CDH13: variants seen among roughly 807,000 people sequenced by gnomAD.
The protein encoded by CDH13 is cadherin-13.
Under a neutral mutation model 63.8 loss-of-function variants are expected in CDH13, and 24 were observed. The observed-to-expected ratio is 0.38, with a 90% CI of 0.27 to 0.53. CDH13 has a LOEUF of 0.53. CDH13 is among the 20% of genes least tolerant of loss of function. CDH13 has a pLI of 0.85. For missense variants in CDH13, 1,049 were observed against 903.1 expected, an observed-to-expected ratio of 1.16 and a Z score of -2.07; for synonymous variants, 503 against 355.3, an observed-to-expected ratio of 1.42 and a Z score of -4.67.
At chr16:83,200,684 A>G (rs1481972749) in intron 4 of CDH13, among the ~76,000 whole-genome samples, 1 of 152,174 alleles carries the variant, frequency 6.6e-6, no homozygotes, top group Admixed American at 6.5e-5. Context: ...AAATCTACAT[A>G]TACCACCCAC....
chr16:82,732,876 G>T (rs1464330430), intron 1 of CDH13, among the ~76,000 whole-genome samples: 1 of 152,168 alleles, frequency 6.6e-6, no homozygotes, highest in African/African-American at 2.4e-5. Flanking sequence ...CATTACAGAG[G>T]AAGAGTCTGA....
chr16:82,864,600 C>T (rs139158648), intron 2 of CDH13, among the ~76,000 whole-genome samples: 70 of 152,072 alleles, frequency 4.6e-4, no homozygotes, highest in Middle Eastern at 3.4e-3. Context: ...AAACTGCCCC[C>T]GTAATTCAGT....
intron 11 of CDH13, among the ~76,000 whole-genome samples, chr16:83,766,408 T>G (rs1323651831): frequency 6.6e-6 from 1 of 152,260 alleles, no homozygotes; most frequent in Non-Finnish European, 1.5e-5. Flanking sequence ...CAATTACTTG[T>G]GCATCAACCT....
chr16:82,631,114 AGCTTTCTTCTT>A (rs1001701672), intron 1 of CDH13, among the ~76,000 whole-genome samples: 212 of 152,152 alleles, frequency 1.4e-3, no homozygotes, highest in African/African-American at 4.8e-3. Context: ...CTTTCTCGCT[AGCTTTCTTCTT>A]GCTTTCTTTC....
At chr16:83,572,975 A>G (rs1904781714) in intron 7 of CDH13, among the ~76,000 whole-genome samples, 1 of 152,222 alleles carries the variant, frequency 6.6e-6, no homozygotes, top group South Asian at 2.1e-4. Flanking sequence ...TACAGCGAGC[A>G]CAGGCTGAGT....
intron 1 of CDH13, among the ~76,000 whole-genome samples, chr16:82,846,419 C>T (rs1213393177): frequency 6.6e-6 from 1 of 152,104 alleles, no homozygotes. Context: ...CTACTGTGAG[C>T]CAGTTTCTGT....
At chr16:83,111,578 CAG>C (rs1471874378) in intron 3 of CDH13, among the ~76,000 whole-genome samples, 1 of 152,126 alleles carries the variant, frequency 6.6e-6, no homozygotes, top group African/African-American at 2.4e-5. Context: ...CTAGGACAAT[CAG>C]AGTCTCCACT....
At chr16:83,195,264 A>C (rs1483049857) in intron 4 of CDH13, among the ~76,000 whole-genome samples, 1 of 152,244 alleles carries the variant, frequency 6.6e-6, no homozygotes, top group Non-Finnish European at 1.5e-5. Context: ...TGATAGAAGA[A>C]AATGCTCATG....
intron 5 of CDH13, among the ~76,000 whole-genome samples, chr16:83,269,360 C>CATTGCATA (rs1383264331): frequency 6.6e-6 from 1 of 152,182 alleles, no homozygotes; most frequent in East Asian, 1.9e-4. Flanking sequence ...TGCATTACTG[C>CATTGCATA]TGTATGCATC....
At chr16:83,700,314 A>C (rs1598508581) in intron 10 of CDH13, among the ~76,000 whole-genome samples, 1 of 152,226 alleles carries the variant, frequency 6.6e-6, no homozygotes, top group East Asian at 1.9e-4. Context: ...TGCAGTCCCC[A>C]CCTCGAAAGA....
chr16:83,431,776 A>G (rs1294457922), intron 6 of CDH13, among the ~76,000 whole-genome samples: 1 of 152,076 alleles, frequency 6.6e-6, no homozygotes, highest in East Asian at 1.9e-4. Context: ...ATGGCACTAA[A>G]CCATTCGCAA....
At chr16:83,423,493 T>A (rs918864924) in intron 6 of CDH13, among the ~76,000 whole-genome samples, 5 of 146,448 alleles carry the variant, frequency 3.4e-5, no homozygotes, top group Non-Finnish European at 7.5e-5. Flanking sequence ...TGACAGCATT[T>A]AAAAAAAAAA....
intron 2 of CDH13, among the ~76,000 whole-genome samples, chr16:82,963,246 G>A (rs1003855505): frequency 6.6e-6 from 1 of 152,040 alleles, no homozygotes; most frequent in African/African-American, 2.4e-5. Context: ...AGGTGTGGTG[G>A]TGGGCACCTG....
At chr16:82,821,599 C>T (rs753618750) in intron 1 of CDH13, among the ~76,000 whole-genome samples, 4 of 152,178 alleles carry the variant, frequency 2.6e-5, no homozygotes, top group Non-Finnish European at 5.9e-5. Context: ...TTGCTGACTA[C>T]AAGGGAAGAA....
chr16:83,366,716 C>G (rs532061343), intron 6 of CDH13, among the ~76,000 whole-genome samples: 5 of 152,218 alleles, frequency 3.3e-5, no homozygotes, highest in South Asian at 2.1e-4. Context: ...CCTTAATGTA[C>G]TTGTTTTGGA....
intron 7 of CDH13, among the ~76,000 whole-genome samples, chr16:83,572,925 T>C (rs373116332): frequency 6.6e-6 from 1 of 152,214 alleles, no homozygotes; most frequent in African/African-American, 2.4e-5. Flanking sequence ...TCCAAACTCA[T>C]TAAGTTTCAC....
At chr16:83,391,571 A>C (rs2091786995) in intron 6 of CDH13, among the ~76,000 whole-genome samples, 1 of 152,190 alleles carries the variant, frequency 6.6e-6, no homozygotes, top group African/African-American at 2.4e-5. Flanking sequence ...TTAGAATAGG[A>C]GGTCTAGGTA....
At chr16:83,775,443 G>T (rs1406733747) in intron 11 of CDH13, among the ~76,000 whole-genome samples, 1 of 149,364 alleles carries the variant, frequency 6.7e-6, no homozygotes, top group Non-Finnish European at 1.5e-5. Context: ...TATAAAGACA[G>T]AAGCCCCTAC....
At chr16:82,731,435 A>AAT (rs1197459061) in intron 1 of CDH13, among the ~76,000 whole-genome samples, 2 of 152,250 alleles carry the variant, frequency 1.3e-5, no homozygotes, top group Non-Finnish European at 2.9e-5. Flanking sequence ...AATTTTAAAA[A>AAT]TGTGTTGATT....
Sources: gnomAD v4.1 joint callset for allele counts (sites outside exome capture counted in the v4.1 genomes callset) on GRCh38, gnomAD v4.1.1 for gene constraint, MANE v1.5 for transcripts, NCBI Gene and HGNC (gene_info 2026-07-23, HGNC 2026-07-21) for gene names.